Variants in UNC5D observed in about 807,000 individuals in gnomAD.
UNC5D encodes the protein unc-5 netrin receptor D.
UNC5D carries 39 observed loss-of-function variants against 105.4 expected under a neutral mutation model. The observed-to-expected ratio is 0.37, with a 90% confidence interval of 0.29 to 0.48. The LOEUF is 0.48. UNC5D is among the 20% of genes least tolerant of loss of function. UNC5D has a pLI of 0.98. For synonymous variants in UNC5D, 452 were observed against 450.4 expected (o/e 1.00, Z -0.04); for missense variants, 991 against 1,202.4 (o/e 0.82, Z 2.60).
At chr8:35,261,779 T>A (rs1044635350) in intron 1 of UNC5D, among the ~76,000 whole-genome samples, 1 of 152,230 alleles carries the variant, frequency 6.6e-6, no homozygotes, top group Non-Finnish European at 1.5e-5. Context: ...TGTCACTATT[T>A]CCTTGAGTTT....
At chr8:35,417,134 T>C (rs2128962488) in intron 1 of UNC5D, among the ~76,000 whole-genome samples, 1 of 152,274 alleles carries the variant, frequency 6.6e-6, no homozygotes, top group East Asian at 1.9e-4. Flanking sequence ...AATTATTGAC[T>C]AGTCATTCTG....
intron 1 of UNC5D, among the ~76,000 whole-genome samples, chr8:35,376,592 G>A (rs574474137): frequency 2.6e-5 from 4 of 152,316 alleles, no homozygotes; most frequent in African/African-American, 9.6e-5. Context: ...TTGATAAAAA[G>A]AGAGTTGATG....
At chr8:35,635,137 C>T (rs1197691209) in intron 4 of UNC5D, among the ~76,000 whole-genome samples, 1 of 152,098 alleles carries the variant, frequency 6.6e-6, no homozygotes, top group African/African-American at 2.4e-5. Context: ...TTCTCTCTCT[C>T]TATCCTTCAG....
chr8:35,541,459 A>G (rs1014463734), intron 1 of UNC5D, among the ~76,000 whole-genome samples: 1 of 152,216 alleles, frequency 6.6e-6, no homozygotes, highest in Non-Finnish European at 1.5e-5. Flanking sequence ...ATTCCTTTCC[A>G]TGTACCCATG....
chr8:35,744,842 C>T (rs1354958763), intron 11 of UNC5D, among the ~76,000 whole-genome samples: 2 of 152,122 alleles, frequency 1.3e-5, no homozygotes, highest in East Asian at 3.9e-4. Context: ...CACCTGAGGT[C>T]AGGAGTTCGA....
intron 1 of UNC5D, among the ~76,000 whole-genome samples, chr8:35,538,210 G>A (rs1249183811): frequency 1.3e-5 from 2 of 151,246 alleles, no homozygotes; most frequent in Non-Finnish European, 2.9e-5. Context: ...GGGGACATTC[G>A]TATCATGGGG....
chr8:35,405,829 T>A (rs1389778231), intron 1 of UNC5D, among the ~76,000 whole-genome samples: 1 of 152,176 alleles, frequency 6.6e-6, no homozygotes, highest in Non-Finnish European at 1.5e-5. Context: ...AACAATTTCC[T>A]TTTAGTGTGC....
chr8:35,652,046 G>T (rs183264745), intron 4 of UNC5D, among the ~76,000 whole-genome samples: 1 of 152,126 alleles, frequency 6.6e-6, no homozygotes, highest in Non-Finnish European at 1.5e-5. Flanking sequence ...TCAGAGTTTG[G>T]GCATACCCTA....
chr8:35,528,274 C>A (rs1814047964), intron 1 of UNC5D, among the ~76,000 whole-genome samples: 1 of 151,046 alleles, frequency 6.6e-6, no homozygotes, highest in African/African-American at 2.4e-5. Flanking sequence ...TCAATTCTCA[C>A]CTATGAGTGA....
intron 1 of UNC5D, among the ~76,000 whole-genome samples, chr8:35,249,890 T>G (rs992563624): frequency 3.3e-5 from 5 of 152,118 alleles, no homozygotes; most frequent in African/African-American, 1.2e-4. Context: ...TGGTCAGGCT[T>G]TGAATCTACA....
intron 4 of UNC5D, among the ~76,000 whole-genome samples, chr8:35,620,955 C>T (rs919388485): frequency 2.6e-5 from 4 of 152,136 alleles, no homozygotes; most frequent in Admixed American, 2.6e-4. Flanking sequence ...ACACTGTTGA[C>T]GTTTGGGGTC....
chr8:35,392,842 G>A (rs188423013), intron 1 of UNC5D, among the ~76,000 whole-genome samples: 1 of 152,126 alleles, frequency 6.6e-6, no homozygotes, highest in South Asian at 2.1e-4. Flanking sequence ...CACTAGAATG[G>A]CTATCTCATG....
At chr8:35,505,005 A>T (rs1812214943) in intron 1 of UNC5D, among the ~76,000 whole-genome samples, 1 of 152,210 alleles carries the variant, frequency 6.6e-6, no homozygotes, top group African/African-American at 2.4e-5. Context: ...ACTTGAGTCA[A>T]ATTACTTGCA....
intron 4 of UNC5D, among the ~76,000 whole-genome samples, chr8:35,666,469 A>C (rs2131256535): frequency 6.6e-6 from 1 of 152,226 alleles, no homozygotes. Context: ...AAAAAAAAAA[A>C]AAGTCACAAA....
At chr8:35,280,006 T>C (rs937330630) in intron 1 of UNC5D, among the ~76,000 whole-genome samples, 21 of 151,960 alleles carry the variant, frequency 1.4e-4, no homozygotes, top group Non-Finnish European at 2.9e-5. Context: ...TCTTTCTTTC[T>C]TTTTTTTGAG....
intron 1 of UNC5D, among the ~76,000 whole-genome samples, chr8:35,324,233 CAAAAAA>C (rs569409228): frequency 4.8e-5 from 3 of 62,802 alleles, no homozygotes; most frequent in Non-Finnish European, 8.7e-5. Flanking sequence ...ACCCTGTCTC[CAAAAAA>C]AAAAAAAAAA....
chr8:35,549,917 G>A (rs1815986928), intron 2 of UNC5D, among the ~76,000 whole-genome samples: 1 of 145,604 alleles, frequency 6.9e-6, no homozygotes, highest in Admixed American at 6.8e-5. Flanking sequence ...TTTATTCTTT[G>A]CACTTTATTC....
At chr8:35,782,486 G>C (rs1410645354) in intron 16 of UNC5D, among the ~76,000 whole-genome samples, 1 of 151,256 alleles carries the variant, frequency 6.6e-6, no homozygotes, top group Non-Finnish European at 1.5e-5. Context: ...TTTTTGTACT[G>C]ACAAACTACT....
chr8:35,475,420 C>T (rs566851455), intron 1 of UNC5D, among the ~76,000 whole-genome samples: 1 of 152,314 alleles, frequency 6.6e-6, no homozygotes, highest in Non-Finnish European at 1.5e-5. Flanking sequence ...CTGTTGCTGG[C>T]TCTGTCTGGG....
Sources: allele counts gnomAD v4.1 joint callset (sites outside exome capture counted in the v4.1 genomes callset), GRCh38; gene constraint gnomAD v4.1.1; transcripts MANE v1.5; gene names NCBI Gene and HGNC (gene_info 2026-07-23, HGNC 2026-07-21).